LRRC49: variants seen among roughly 807,000 people sequenced by gnomAD.
LRRC49 encodes leucine-rich repeat-containing protein 49.
Under a neutral mutation model 83.3 loss-of-function variants are expected in LRRC49, and 50 were observed. The observed-to-expected ratio is 0.60, with a 90% CI of 0.48 to 0.76. The LOEUF (loss-of-function observed/expected upper bound fraction) is 0.76, where lower values mean the gene tolerates loss of function less well. Ranked by LOEUF, LRRC49 falls within the 30% of genes least tolerant of loss-of-function variation. The pLI, the probability that LRRC49 is intolerant of heterozygous loss-of-function variation, is 0.00. For missense variants in LRRC49, 704 were observed against 809.1 expected, an observed-to-expected ratio of 0.87 and a Z score of 1.58; for synonymous variants, 286 against 283.3, an observed-to-expected ratio of 1.01 and a Z score of -0.10.
chr15:70,860,050 C>T (rs994985062), intron 1 of LRRC49: 31 of 737,772 alleles, frequency 4.2e-5, no homozygotes, highest in Non-Finnish European at 5.7e-5. Context: ...TTGGCTCTGG[C>T]GCAGGCTCCA....
At chr15:70,861,220 G>C (rs1489009167) in intron 1 of LRRC49, among the ~76,000 whole-genome samples, 1 of 152,070 alleles carries the variant, frequency 6.6e-6, no homozygotes, top group Non-Finnish European at 1.5e-5. Context: ...ACACATGGAA[G>C]TACCTAGTTC....
At chr15:70,868,443 G>C (rs2141074207) in intron 1 of LRRC49, among the ~76,000 whole-genome samples, 1 of 152,338 alleles carries the variant, frequency 6.6e-6, no homozygotes, top group African/African-American at 2.4e-5. Context: ...CCAAGAAAAT[G>C]ATATTTGGTC....
At chr15:70,853,986 CCTCGTCCTCCAA>C (rs2032571702) in intron 1 of LRRC49, 1 of 1,465,034 alleles carries the variant, frequency 6.8e-7, no homozygotes, top group Non-Finnish European at 9.1e-7. Context: ...GCCCCCTCCT[CCTCGTCCTCCAA>C]CTCGTCCACG....
At chr15:70,920,188 T>C (rs2034958230) in intron 7 of LRRC49, among the ~76,000 whole-genome samples, 1 of 152,140 alleles carries the variant, frequency 6.6e-6, no homozygotes, top group East Asian at 1.9e-4. Flanking sequence ...AGTTCCCTTG[T>C]AAAGAACTAA....
At chr15:70,945,453 G>A (rs1209186313) in intron 8 of LRRC49, among the ~76,000 whole-genome samples, 1 of 151,186 alleles carries the variant, frequency 6.6e-6, no homozygotes, top group African/African-American at 2.4e-5. Context: ...CCATTTACCT[G>A]TCTGGTACTT....
intron 6 of LRRC49, among the ~76,000 whole-genome samples, chr15:70,914,271 T>TA (rs1217607002): frequency 2.0e-5 from 3 of 152,170 alleles, no homozygotes; most frequent in Non-Finnish European, 4.4e-5. Context: ...TGTCCAATTC[T>TA]AAAAATTTAG....
At chr15:70,920,508 A>G (rs2141134840) in intron 7 of LRRC49, among the ~76,000 whole-genome samples, 1 of 152,300 alleles carries the variant, frequency 6.6e-6, no homozygotes, top group South Asian at 2.1e-4. Context: ...CTCAGTCAGG[A>G]CTTAGTTTGT....
chr15:71,042,895 C>G (rs1226068764), intron 15 of LRRC49, among the ~76,000 whole-genome samples: 1 of 152,124 alleles, frequency 6.6e-6, no homozygotes, highest in Non-Finnish European at 1.5e-5. Flanking sequence ...TTGACTGAGC[C>G]GCCTCTAGAA....
intron 8 of LRRC49, among the ~76,000 whole-genome samples, chr15:70,938,650 A>G (rs1464499123): frequency 6.6e-6 from 1 of 152,192 alleles, no homozygotes; most frequent in Non-Finnish European, 1.5e-5. Flanking sequence ...GGGCTGTCAG[A>G]TAACCTGTAG....
intron 3 of LRRC49, among the ~76,000 whole-genome samples, chr15:70,897,464 C>G (rs988567753): frequency 6.6e-6 from 1 of 152,148 alleles, no homozygotes; most frequent in African/African-American, 2.4e-5. Flanking sequence ...TGTGCTCCCT[C>G]CATAGTTCCA....
At chr15:70,982,433 A>G (rs1194769856) in intron 10 of LRRC49, among the ~76,000 whole-genome samples, 3 of 152,162 alleles carry the variant, frequency 2.0e-5, no homozygotes, top group Admixed American at 1.3e-4. Flanking sequence ...AAGCATTTTT[A>G]TTATAGAATG....
intron 8 of LRRC49, among the ~76,000 whole-genome samples, chr15:70,959,533 G>T (rs1210539755): frequency 1.5e-5 from 2 of 132,374 alleles, no homozygotes; most frequent in East Asian, 2.2e-4. Flanking sequence ...AGGGAGGAAA[G>T]GAGGGAAGGA....
intron 9 of LRRC49, among the ~76,000 whole-genome samples, chr15:70,978,140 A>G (rs1356756437): frequency 6.6e-6 from 1 of 152,156 alleles, no homozygotes; most frequent in Non-Finnish European, 1.5e-5. Context: ...TTTAATTCTA[A>G]TATAACATAT....
chr15:70,968,582 A>G (rs1240642622), intron 9 of LRRC49, among the ~76,000 whole-genome samples: 2 of 152,178 alleles, frequency 1.3e-5, no homozygotes, highest in East Asian at 3.9e-4. Context: ...TGGTTGAACT[A>G]ACTTACACTC....
At chr15:71,038,422 A>G (rs946214847) in intron 15 of LRRC49, among the ~76,000 whole-genome samples, 8 of 152,128 alleles carry the variant, frequency 5.3e-5, no homozygotes, top group African/African-American at 9.7e-5. Context: ...TGCTGTTGTT[A>G]TAGAGGAAAA....
intron 3 of LRRC49, chr15:70,898,286 A>G (rs2141103664): frequency 3.2e-6 from 2 of 630,264 alleles, no homozygotes; most frequent in South Asian, 1.9e-5. Flanking sequence ...CAGAAGTAAC[A>G]CACGCAAAAT....
At chr15:70,956,988 T>C (rs1297606426) in intron 8 of LRRC49, among the ~76,000 whole-genome samples, 1 of 152,188 alleles carries the variant, frequency 6.6e-6, no homozygotes, top group Non-Finnish European at 1.5e-5. Flanking sequence ...ACATAGACCA[T>C]ATGGGCATCT....
At chr15:70,877,987 G>T (rs1469124594) in intron 2 of LRRC49, among the ~76,000 whole-genome samples, 1 of 152,106 alleles carries the variant, frequency 6.6e-6, no homozygotes, top group East Asian at 1.9e-4. Context: ...AACAAAATTA[G>T]CCGGGTGTGG....
At chr15:70,911,625 C>CT (rs1333074663) in intron 6 of LRRC49, 27 bp downstream of exon 6, 7 of 1,404,336 alleles carry the variant, frequency 5.0e-6, no homozygotes, top group African/African-American at 4.4e-5. Context: ...TCATTTCTTT[C>CT]TTTTTTGAAA....
Sources: allele counts gnomAD v4.1 joint callset (sites outside exome capture counted in the v4.1 genomes callset), GRCh38; gene constraint gnomAD v4.1.1; transcripts MANE v1.5; gene names NCBI Gene and HGNC (gene_info 2026-07-23, HGNC 2026-07-21).